Variants in COL4A4 observed in about 807,000 individuals in gnomAD.
COL4A4 encodes collagen alpha-4(IV) chain.
In COL4A4, 105 loss-of-function variants were observed where a neutral mutation model predicts 192.9. The observed-to-expected ratio is 0.54, with a 90% CI of 0.46 to 0.64. The LOEUF (loss-of-function observed/expected upper bound fraction) is 0.64. Among genes scored for constraint, COL4A4 ranks in the 30% least tolerant of loss-of-function variants. The pLI is 0.00. For synonymous variants in COL4A4, 762 were observed against 769.9 expected, an observed-to-expected ratio of 0.99 and a Z score of 0.17; for missense variants, 1,967 against 2,169.3, an observed-to-expected ratio of 0.91 and a Z score of 1.85.
intron 1 of COL4A4, among the ~76,000 whole-genome samples, chr2:227,155,486 G>C (rs1000058225): frequency 6.6e-6 from 1 of 152,144 alleles, no homozygotes; most frequent in African/African-American, 2.4e-5. Flanking sequence ...ATGACATCTT[G>C]ATTCAGAGTA....
chr2:227,139,540 T>C (rs987420618), intron 4 of COL4A4, among the ~76,000 whole-genome samples: 2 of 152,176 alleles, frequency 1.3e-5, no homozygotes, highest in Admixed American at 6.5e-5. Context: ...TCTAGCGTGG[T>C]CATCAACGCA....
At chr2:227,102,457 C>A (rs1258737007) in intron 15 of COL4A4, among the ~76,000 whole-genome samples, 1 of 152,140 alleles carries the variant, frequency 6.6e-6, no homozygotes, top group Non-Finnish European at 1.5e-5. Flanking sequence ...CTAGCTCCTG[C>A]CCCTATATCA....
chr2:227,007,787 G>A (rs1377787778), intron 47 of COL4A4, among the ~76,000 whole-genome samples, 199 bp from the exon 48 acceptor site: 1 of 152,208 alleles, frequency 6.6e-6, no homozygotes, highest in African/African-American at 2.4e-5. Context: ...TTCACCGATG[G>A]CTGAAGCAAA....
At chr2:226,981,036 C>T in the COL4A4 span, among the ~76,000 whole-genome samples, 1 of 152,186 alleles carries the variant, frequency 6.6e-6, no homozygotes, top group African/African-American at 2.4e-5. Flanking sequence ...GTCTGAGACA[C>T]TCCTTGGCCT....
chr2:227,046,324 A>G (rs1396047296), intron 35 of COL4A4, among the ~76,000 whole-genome samples: 1 of 144,834 alleles, frequency 6.9e-6, no homozygotes, highest in African/African-American at 2.6e-5. Flanking sequence ...TGCCAGATGG[A>G]ATTTTAAGAT....
chr2:227,057,723 G>T, intron 28 of COL4A4, 123 bp from the exon 29 acceptor site: 1 of 1,040,880 alleles, frequency 9.6e-7, no homozygotes. Flanking sequence ...GTGTTCAAAT[G>T]GGTTAAGTCT....
intron 2 of COL4A4, among the ~76,000 whole-genome samples, chr2:227,145,815 T>C (rs2125366209): frequency 6.6e-6 from 1 of 152,300 alleles, no homozygotes; most frequent in East Asian, 1.9e-4. Context: ...ACTTAATGGC[T>C]CCCACACTAA....
chr2:227,091,422 T>C (rs1186002153), intron 20 of COL4A4, among the ~76,000 whole-genome samples: 1 of 110,798 alleles, frequency 9.0e-6, no homozygotes, highest in Admixed American at 9.3e-5. Context: ...GAGTAAAGGT[T>C]AAAAAAAAAA....
chr2:227,125,908 G>A (rs531860194), intron 4 of COL4A4, among the ~76,000 whole-genome samples: 4 of 152,210 alleles, frequency 2.6e-5, no homozygotes, highest in South Asian at 4.2e-4. Context: ...GGGGAAGGCC[G>A]AGTCTAAGTG....
At position 227,032,065 on chromosome 2, in the gene COL4A4, G is replaced by A; in HGVS notation, c.3707-10C>T. Reference sequence around the variant, plus strand: ...GGTGGTCCTGAACTCCCTAAGAAGAGACATGTTCACATGTTATCCTCATTG... The same window carrying A: ...GGTGGTCCTGAACTCCCTAAGAAGAAACATGTTCACATGTTATCCTCATTG... On this transcript the variant is annotated splice_polypyrimidine_tract_variant and intron_variant, in intron 39 of 47. Transcript: ENST00000396625. 1 of 1,613,636 alleles carries A rather than the reference G, an allele frequency of 6.2e-7. No individual in the cohort carries two copies. Among genetic ancestry groups the A allele is most frequent in the East Asian group, 2.2e-5 (1 of 44,872 alleles).
chr2:226,985,499 A>G, the COL4A4 span, among the ~76,000 whole-genome samples: 1 of 152,236 alleles, frequency 6.6e-6, no homozygotes. Flanking sequence ...AGCAGATTTA[A>G]TGTCATAGGC....
At position 227,151,003 on chromosome 2, in the gene COL4A4, AACT is replaced by A. The variant is rs568225439; in HGVS notation, c.-101-3422_-101-3420del. On this transcript the variant is annotated intron_variant, in intron 1 of 47. Transcript: ENST00000396625. ...TTATAAATGATGACCTTTAAAATAA[AACT>A]ACTACAGCATTATTTTAGATGCATC... Among the ~76,000 whole-genome samples the A allele has an allele frequency of 5.3e-4, 81 of 152,280 alleles. 1 individual carries two copies. Among genetic ancestry groups the A allele is most frequent in the East Asian group, 3.3e-3 (17 of 5,188 alleles).
intron 33 of COL4A4, 97 bp downstream of exon 33, chr2:227,050,880 C>T (rs1973949384): frequency 2.0e-5 from 28 of 1,400,988 alleles, no homozygotes; most frequent in Non-Finnish European, 2.6e-5. Context: ...AGTGAAAGGG[C>T]AATGGTATAT....
chr2:227,081,093 C>T (rs2059300203), intron 23 of COL4A4, among the ~76,000 whole-genome samples: 1 of 152,050 alleles, frequency 6.6e-6, no homozygotes, highest in South Asian at 2.1e-4. Flanking sequence ...TCTGGTTGTC[C>T]CAATGCCAAC....
At chr2:227,115,752 A>G (rs953100502) in intron 7 of COL4A4, among the ~76,000 whole-genome samples, 1 of 152,236 alleles carries the variant, frequency 6.6e-6, no homozygotes, top group Non-Finnish European at 1.5e-5. Flanking sequence ...TCAACAATTT[A>G]CTTGAGAAAT....
rs2061401432 is a variant in COL4A4, at chr2:227,114,767, T to C, written c.490-71A>G. On this transcript the variant is annotated intron_variant, in intron 7 of 47. Transcript: ENST00000396625. ...CCATTTCAGTATTTTCTTTTCTATA[T>C]AAAATATAACTCATCAGTTAAAATT... 3 of 1,244,430 alleles carry C rather than the reference T, an allele frequency of 2.4e-6. No individual in the cohort carries two copies. In the Admixed American group the frequency reaches 5.1e-5, roughly 21 times the overall value. The allele number at this position is 1,244,430 out of a possible 1,614,324, so 77.1% of individuals were successfully genotyped here.
intron 44 of COL4A4, among the ~76,000 whole-genome samples, chr2:227,020,730 A>G (rs1965840833): frequency 6.6e-6 from 1 of 152,136 alleles, no homozygotes; most frequent in African/African-American, 2.4e-5. Context: ...TTTGCCCATG[A>G]GTTTTCTAGA....
chr2:227,104,922 T>G (rs1327054850), intron 12 of COL4A4, among the ~76,000 whole-genome samples: 1 of 113,618 alleles, frequency 8.8e-6, no homozygotes, highest in Non-Finnish European at 2.1e-5. Context: ...ATTACAAGCG[T>G]GAGCCACCGC....
chr2:227,089,721 A>G (rs1197259556), intron 21 of COL4A4, 147 bp downstream of exon 21: 11 of 685,684 alleles, frequency 1.6e-5, no homozygotes, highest in Non-Finnish European at 5.3e-6. Context: ...GTGACTTGTA[A>G]TCACATAGCA....
Sources: allele counts gnomAD v4.1 joint callset (sites outside exome capture counted in the v4.1 genomes callset), GRCh38; gene constraint gnomAD v4.1.1; transcripts MANE v1.5; gene names NCBI Gene and HGNC (gene_info 2026-07-23, HGNC 2026-07-21).